PAWR: variants seen among roughly 807,000 people sequenced by gnomAD.
PAWR encodes PRKC apoptosis WT1 regulator protein.
In PAWR, 23 loss-of-function variants were observed where a neutral mutation model predicts 32.0. The observed-to-expected ratio is 0.72, with a 90% confidence interval of 0.52 to 1.02. The LOEUF (loss-of-function observed/expected upper bound fraction) is 1.02, where lower values mean the gene tolerates loss of function less well. PAWR is among the 50% of genes least tolerant of loss of function. The pLI, the probability that PAWR is intolerant of heterozygous loss-of-function variation, is 0.00. For synonymous variants in PAWR, 226 were observed against 187.1 expected (o/e 1.21, Z -1.70); for missense variants, 457 against 437.7 (o/e 1.04, Z -0.39).
intron 2 of PAWR, among the ~76,000 whole-genome samples, chr12:79,658,924 G>A (rs1327907037): frequency 1.3e-5 from 2 of 150,526 alleles, no homozygotes; most frequent in Non-Finnish European, 2.9e-5. Flanking sequence ...GCCTCTCAAA[G>A]TGCTGGGATT....
chr12:79,620,484 C>T (rs1874950138), intron 3 of PAWR, among the ~76,000 whole-genome samples: 1 of 152,108 alleles, frequency 6.6e-6, no homozygotes, highest in South Asian at 2.1e-4. Flanking sequence ...AAATCAGAGC[C>T]TGAGCAGAAT....
chr12:79,663,269 C>T (rs943417847), intron 2 of PAWR, among the ~76,000 whole-genome samples: 1 of 152,166 alleles, frequency 6.6e-6, no homozygotes, highest in Admixed American at 6.5e-5. Context: ...CTTCTCCTAT[C>T]TTGTCTATGG....
chr12:79,654,739 G>A (rs1359339790), intron 2 of PAWR, among the ~76,000 whole-genome samples: 12 of 152,186 alleles, frequency 7.9e-5, no homozygotes, highest in Non-Finnish European at 1.2e-4. Context: ...GAGAGTGTGA[G>A]CATGTAGAGA....
chr12:79,681,413 T>C lies in PAWR; in HGVS notation c.516+8316A>G, dbSNP rs187755010. On this transcript the variant is annotated intron_variant, in intron 2 of 6. Transcript: ENST00000328827. ...AGTTTGAGGCTGAGTCATCACACCA[T>C]AGTACTGCAGCCTGGGGAACAAGCA... Among the ~76,000 whole-genome samples the C allele has an allele frequency of 4.7e-4, 72 of 152,080 alleles. No homozygotes were observed. The South Asian group carries it at 0.015, about 31-fold the overall frequency.
rs552529356 is a variant in PAWR, at chr12:79,651,793, G to A, written c.517-30586C>T. On this transcript the variant is annotated intron_variant, in intron 2 of 6. Coordinates refer to ENST00000328827, the MANE Select transcript of PAWR (RefSeq NM_002583.4). ...TAGATGTCTAAACCATTTGTAAGCCGATAGAAGGCAACGGTACAATCAGTA... is the reference window on the plus strand; with the variant it reads ...TAGATGTCTAAACCATTTGTAAGCCAATAGAAGGCAACGGTACAATCAGTA... Among the ~76,000 whole-genome samples, 9 of 152,136 alleles carry A rather than the reference G, an allele frequency of 5.9e-5. No individual in the cohort carries two copies. The South Asian group carries it at 6.2e-4, about 11-fold the overall frequency.
At chr12:79,621,370 T>C (rs1342029606) in intron 2 of PAWR, among the ~76,000 whole-genome samples, 163 bp from the exon 3 acceptor site, 1 of 152,224 alleles carries the variant, frequency 6.6e-6, no homozygotes, top group East Asian at 1.9e-4. Context: ...TTAATTCCTA[T>C]AAATTATCTG....
intron 4 of PAWR, among the ~76,000 whole-genome samples, chr12:79,601,987 G>C (rs1873980099): frequency 6.6e-6 from 1 of 152,114 alleles, no homozygotes; most frequent in South Asian, 2.1e-4. Context: ...CTTATTTGCA[G>C]TTAAACACTT....
chr12:79,669,667 A>T (rs964933880), intron 2 of PAWR, among the ~76,000 whole-genome samples: 10 of 152,174 alleles, frequency 6.6e-5, no homozygotes, highest in African/African-American at 2.2e-4. Context: ...ATTTCAAAAT[A>T]TACTGAAACT....
Position 79,649,995 on chromosome 12 carries a change from C to T in PAWR, c.517-28788G>A, listed in dbSNP as rs574678512. The stretch of plus-strand genomic sequence containing the variant: ...CTAGATCCCTCACATGCACAGTTCA[C>T]AATAGGGTTTGTGCTCCTAAGAAAA... On this transcript the variant is annotated intron_variant, in intron 2 of 6. Transcript: ENST00000328827. Among the ~76,000 whole-genome samples, 3 of 152,234 alleles carry T rather than the reference C, an allele frequency of 2.0e-5. No homozygotes were observed. The East Asian group carries it at 5.8e-4, about 29-fold the overall frequency.
At position 79,664,665 on chromosome 12, in the gene PAWR, G is replaced by C. The variant is rs568646125; in HGVS notation, c.516+25064C>G. Among the ~76,000 whole-genome samples, 3 of 148,724 alleles carry C rather than the reference G, an allele frequency of 2.0e-5. No individual in the cohort carries two copies. In the South Asian group the frequency reaches 6.4e-4, roughly 32 times the overall value. On this transcript the variant is annotated intron_variant, in intron 2 of 6. Coordinates refer to ENST00000328827, the MANE Select transcript of PAWR (RefSeq NM_002583.4). ...ACAAAGTAGACTCTTTGGCGGGGGG[G>C]GGAGGAGAGAGAGAGAGTGGTCTTG...
intron 3 of PAWR, among the ~76,000 whole-genome samples, chr12:79,620,193 A>T (rs1874935273): frequency 6.6e-6 from 1 of 152,232 alleles, no homozygotes; most frequent in Non-Finnish European, 1.5e-5. Context: ...CTTCAGAATA[A>T]AATTTCTCTA....
intron 2 of PAWR, among the ~76,000 whole-genome samples, chr12:79,655,518 C>T (rs889230192): frequency 3.9e-5 from 6 of 152,178 alleles, no homozygotes; most frequent in Non-Finnish European, 7.4e-5. Flanking sequence ...GGATTAAATA[C>T]TGGTCATCAG....
At chr12:79,661,438 CAG>C (rs1206965014) in intron 2 of PAWR, among the ~76,000 whole-genome samples, 1 of 151,976 alleles carries the variant, frequency 6.6e-6, no homozygotes, top group Non-Finnish European at 1.5e-5. Flanking sequence ...TTGGTAAAAA[CAG>C]AAAATATCTC....
At chr12:79,605,292 C>A (rs1325261676) in intron 4 of PAWR, among the ~76,000 whole-genome samples, 1 of 151,686 alleles carries the variant, frequency 6.6e-6, no homozygotes, top group East Asian at 1.9e-4. Flanking sequence ...AGTGAATTAT[C>A]CTAAAGAGAT....
chr12:79,632,356 TA>T (rs1875740878), intron 2 of PAWR, among the ~76,000 whole-genome samples: 58 of 50,370 alleles, frequency 1.2e-3, no homozygotes, highest in Non-Finnish European at 1.6e-3. Flanking sequence ...TATATATATA[TA>T]TATATTTTTT....
chr12:79,638,898 T>TATATATA (rs1566013843), intron 2 of PAWR, among the ~76,000 whole-genome samples: 15 of 6,316 alleles, frequency 2.4e-3, no homozygotes, highest in South Asian at 9.3e-3. Flanking sequence ...ATATATATAT[T>TATATATA]TTTTTTTTTT....
At chr12:79,627,793 C>A (rs1875414481) in intron 2 of PAWR, among the ~76,000 whole-genome samples, 1 of 152,130 alleles carries the variant, frequency 6.6e-6, no homozygotes, top group Admixed American at 6.5e-5. Context: ...TACAGGAGCA[C>A]CCAGATTCAT....
At chr12:79,594,508 C>T (rs975361684) in intron 5 of PAWR, 75 bp from the exon 6 acceptor site, 13 of 698,038 alleles carry the variant, frequency 1.9e-5, no homozygotes, top group Non-Finnish European at 2.9e-5. Flanking sequence ...GCATATATCT[C>T]CCCAATTTGG....
intron 2 of PAWR, among the ~76,000 whole-genome samples, chr12:79,638,597 G>T (rs1876080668): frequency 6.6e-6 from 1 of 151,346 alleles, no homozygotes; most frequent in African/African-American, 2.4e-5. Flanking sequence ...GGACTCTACT[G>T]GTTTCTACTT....
Sources: gnomAD v4.1 joint callset for allele counts (sites outside exome capture counted in the v4.1 genomes callset) on GRCh38, gnomAD v4.1.1 for gene constraint, MANE v1.5 for transcripts, NCBI Gene and HGNC (gene_info 2026-07-23, HGNC 2026-07-21) for gene names.